Variants in PCCA observed in about 807,000 individuals in gnomAD.
PCCA encodes the protein propionyl-CoA carboxylase subunit alpha.
A neutral mutation model predicts 101.3 loss-of-function variants in PCCA; 74 were observed. The ratio of observed to expected loss-of-function variants is 0.73; its 90% CI spans 0.61 to 0.89. The LOEUF (loss-of-function observed/expected upper bound fraction) is 0.89. Among genes scored for constraint, PCCA ranks in the 40% least tolerant of loss-of-function variants. The pLI is 0.00. For missense variants in PCCA, 891 were observed against 907.0 expected (o/e 0.98, Z 0.23); for synonymous variants, 294 against 313.6 (o/e 0.94, Z 0.66).
intron 19 of PCCA, among the ~76,000 whole-genome samples, chr13:100,422,062 C>CTTCTT (rs1469717301): frequency 1.8e-5 from 1 of 56,146 alleles, no homozygotes; most frequent in Non-Finnish European, 3.8e-5. Flanking sequence ...CTTTTCTCTT[C>CTTCTT]TCTTTTCTTT....
chr13:100,374,725 GA>G (rs1567027514), intron 19 of PCCA, among the ~76,000 whole-genome samples: 2 of 152,190 alleles, frequency 1.3e-5, no homozygotes, highest in East Asian at 3.9e-4. Flanking sequence ...TGCACTTTTT[GA>G]AAAATTTTGC....
chr13:100,519,901 C>G (rs935702868), intron 22 of PCCA, among the ~76,000 whole-genome samples: 1 of 152,258 alleles, frequency 6.6e-6, no homozygotes, highest in African/African-American at 2.4e-5. Context: ...GAGGGGCTAG[C>G]CTGGCTGCTT....
intron 2 of PCCA, among the ~76,000 whole-genome samples, chr13:100,105,362 G>A (rs372455739): frequency 2.6e-5 from 4 of 152,238 alleles, no homozygotes; most frequent in African/African-American, 9.6e-5. Context: ...GTATCCATGT[G>A]TTGCATTCCA....
chr13:100,280,540 C>G (rs936028828), intron 12 of PCCA, among the ~76,000 whole-genome samples: 1 of 152,120 alleles, frequency 6.6e-6, no homozygotes, highest in African/African-American at 2.4e-5. Context: ...CCTGTCTCCC[C>G]TCTCTGACCA....
intron 19 of PCCA, among the ~76,000 whole-genome samples, chr13:100,393,687 G>A (rs185069439): frequency 6.6e-6 from 1 of 152,182 alleles, no homozygotes; most frequent in Non-Finnish European, 1.5e-5. Flanking sequence ...AAAGTGTTGG[G>A]ATTACAGGCA....
intron 19 of PCCA, 88 bp downstream of exon 19, chr13:100,368,662 C>T: frequency 2.4e-6 from 2 of 827,782 alleles, no homozygotes; most frequent in Non-Finnish European, 4.2e-6. Flanking sequence ...TGACTCTCGT[C>T]TTTTGAATTT....
At chr13:100,164,355 G>A (rs529854696) in intron 6 of PCCA, among the ~76,000 whole-genome samples, 55 of 152,154 alleles carry the variant, frequency 3.6e-4, no homozygotes, top group Non-Finnish European at 7.1e-4. Flanking sequence ...TGGCAGGCTC[G>A]GATAGGAGAG....
chr13:100,445,527 A>G (rs116280639), intron 20 of PCCA, among the ~76,000 whole-genome samples: 1,999 of 152,206 alleles, frequency 0.013, 36 homozygotes, highest in African/African-American at 0.046. Context: ...GCTTTCTCGT[A>G]CCTATTTCTC....
Position 100,330,546 on chromosome 13 carries a change from T to C in PCCA, c.1430-15T>C, listed in dbSNP as rs1364583411. 4.9e-6 allele frequency: 7 copies of C among 1,431,898 alleles called. No individual in the cohort carries two copies. Among genetic ancestry groups the C allele is most frequent in the East Asian group, 4.6e-5 (2 of 43,884 alleles). 88.7% of individuals were successfully genotyped at this position (1,431,898 alleles called of 1,614,324 possible). A position where few individuals can be genotyped will look rare whatever the true frequency, so the allele number is the denominator to read the frequency against. On this transcript the variant is annotated splice_polypyrimidine_tract_variant and intron_variant, in intron 16 of 23. Coordinates refer to ENST00000376285, the MANE Select transcript of PCCA (RefSeq NM_000282.4). ...TGATTCATTGTTCTTCAATTTGATA[T>C]CATTTTACTTTTAGGTGTTACACAT...
At chr13:100,181,218 T>C (rs1008033582) in intron 6 of PCCA, among the ~76,000 whole-genome samples, 1 of 152,170 alleles carries the variant, frequency 6.6e-6, no homozygotes, top group African/African-American at 2.4e-5. Context: ...CTAAAAGTGT[T>C]GGTGGGGTAT....
rs572752237 is a variant in PCCA, at chr13:100,198,737, A to G, written c.469-10595A>G. On this transcript the variant is annotated intron_variant, in intron 6 of 23. Coordinates refer to ENST00000376285, the MANE Select transcript of PCCA (RefSeq NM_000282.4). ...TGGTCTCAAACTCCTGACCTCAGGT[A>G]ATCTGCCCGCCTCGGCCTCCCAAAG... is the stretch of plus-strand genomic sequence containing the variant. Among the ~76,000 whole-genome samples the G allele has an allele frequency of 5.1e-3, 778 of 151,938 alleles. 7 individuals carry two copies. Among genetic ancestry groups the G allele is most frequent in the African/African-American group, 0.018 (753 of 41,432 alleles).
chr13:100,431,101 AC>A (rs2079519900), intron 20 of PCCA, among the ~76,000 whole-genome samples: 1 of 151,886 alleles, frequency 6.6e-6, no homozygotes, highest in Non-Finnish European at 1.5e-5. Context: ...ATCCTGGTGA[AC>A]CCTTGGCCTT....
chr13:100,444,688 A>C (rs1342603222), intron 20 of PCCA, among the ~76,000 whole-genome samples: 1 of 151,162 alleles, frequency 6.6e-6, no homozygotes, highest in Admixed American at 6.6e-5. Context: ...TGATCCGCCC[A>C]CCTTGGCCTC....
chr13:100,369,576 G>C (rs1013116266), intron 19 of PCCA, among the ~76,000 whole-genome samples: 1 of 152,174 alleles, frequency 6.6e-6, no homozygotes, highest in African/African-American at 2.4e-5. Flanking sequence ...TGTGGTGTCA[G>C]ACTCACAGAT....
rs142558766 is a variant in PCCA, at chr13:100,214,389, C to T, written c.600+4926C>T. ...ATCTTTTGTGTCCTTTTCAATTTCT[C>T]GCATCAACGTTTTATAGTTGTTTTT... On this transcript the variant is annotated intron_variant, in intron 7 of 23. Coordinates refer to ENST00000376285, the MANE Select transcript of PCCA (RefSeq NM_000282.4). Among the ~76,000 whole-genome samples the T allele has an allele frequency of 5.4e-3, 811 of 151,498 alleles. 24 individuals carry two copies. Among genetic ancestry groups the T allele is most frequent in the Non-Finnish European group, 2.1e-3 (142 of 67,852 alleles).
At chr13:100,474,333 C>T (rs2083251226) in intron 21 of PCCA, among the ~76,000 whole-genome samples, 2 of 152,118 alleles carry the variant, frequency 1.3e-5, no homozygotes, top group Admixed American at 6.5e-5. Context: ...TAGTGAACGT[C>T]CTGCTTACTA....
At chr13:100,423,569 T>A (rs1409534773) in intron 19 of PCCA, among the ~76,000 whole-genome samples, 1 of 152,214 alleles carries the variant, frequency 6.6e-6, no homozygotes, top group Admixed American at 6.5e-5. Flanking sequence ...CTTGTTTCAG[T>A]TGTGTAGGGA....
At chr13:100,505,500 G>C (rs925169776) in intron 21 of PCCA, among the ~76,000 whole-genome samples, 7 of 152,200 alleles carry the variant, frequency 4.6e-5, no homozygotes, top group Non-Finnish European at 8.8e-5. Context: ...AACATGGAGA[G>C]CATAGAGCTA....
At chr13:100,521,148 A>G (rs998617458) in intron 22 of PCCA, among the ~76,000 whole-genome samples, 18 of 152,322 alleles carry the variant, frequency 1.2e-4, no homozygotes, top group African/African-American at 4.1e-4. Context: ...AGAGGGCAGC[A>G]GGGAGTCATA....
Sources: allele counts gnomAD v4.1 joint callset (sites outside exome capture counted in the v4.1 genomes callset), GRCh38; gene constraint gnomAD v4.1.1; transcripts MANE v1.5; gene names NCBI Gene and HGNC (gene_info 2026-07-23, HGNC 2026-07-21).